R3HDM1: variants seen among roughly 807,000 people sequenced by gnomAD.
R3HDM1 encodes the protein R3H domain containing 1.
A neutral mutation model predicts 141.1 loss-of-function variants in R3HDM1; 46 were observed. The observed-to-expected ratio is 0.33, with a 90% confidence interval of 0.26 to 0.42. The LOEUF (loss-of-function observed/expected upper bound fraction) is 0.42, where lower values mean the gene tolerates loss of function less well. R3HDM1 is among the 10% of genes least tolerant of loss of function. The probability of loss-of-function intolerance (pLI) is 1.00; values close to 1 mark genes in which losing one functional copy is unlikely to be tolerated. For synonymous variants in R3HDM1, 435 were observed against 472.9 expected (o/e 0.92, Z 1.04); for missense variants, 1,184 against 1,368.3 (o/e 0.87, Z 2.12).
At chr2:135,649,494 A>G (rs2064896984) in intron 16 of R3HDM1, among the ~76,000 whole-genome samples, 1 of 152,168 alleles carries the variant, frequency 6.6e-6, no homozygotes, top group Non-Finnish European at 1.5e-5. Context: ...TTTTTCATTT[A>G]TAATTTAGTG....
intron 15 of R3HDM1, among the ~76,000 whole-genome samples, chr2:135,642,924 T>A (rs1329178599): frequency 6.6e-6 from 1 of 152,174 alleles, no homozygotes; most frequent in Non-Finnish European, 1.5e-5. Flanking sequence ...ATTCTTCAGG[T>A]TATTATGTTA....
intron 1 of R3HDM1, chr2:135,549,970 C>G: frequency 3.1e-6 from 3 of 960,072 alleles, no homozygotes; most frequent in Non-Finnish European, 3.7e-6. Flanking sequence ...ATAAATTTTC[C>G]TTTGTTCTTT....
At chr2:135,583,975 G>A (rs1707329611) in intron 1 of R3HDM1, 11 of 985,342 alleles carry the variant, frequency 1.1e-5, no homozygotes, top group Non-Finnish European at 1.3e-5. Flanking sequence ...AGAAGTTGCT[G>A]GACATTCCAA....
chr2:135,622,081 G>A (rs1395202707), intron 6 of R3HDM1: 1 of 983,762 alleles, frequency 1.0e-6, no homozygotes, highest in Non-Finnish European at 1.2e-6. Context: ...TAAAAACCCA[G>A]TTATGTTGAC....
At chr2:135,618,440 G>A (rs371565162) in intron 5 of R3HDM1, among the ~76,000 whole-genome samples, 104 of 149,026 alleles carry the variant, frequency 7.0e-4, no homozygotes, top group African/African-American at 2.4e-3. Flanking sequence ...AGGATTACAA[G>A]TGTGAGCCAC....
At chr2:135,684,204 T>C (rs956509181) in intron 21 of R3HDM1, among the ~76,000 whole-genome samples, 30 of 152,110 alleles carry the variant, frequency 2.0e-4, no homozygotes, top group African/African-American at 5.8e-4. Flanking sequence ...CATTCTCCTG[T>C]CTCAGCCTCC....
At chr2:135,538,370 A>T (rs959834081) in intron 1 of R3HDM1, among the ~76,000 whole-genome samples, 2 of 152,328 alleles carry the variant, frequency 1.3e-5, no homozygotes. Context: ...CTCAGACATA[A>T]TTGTACACCA....
rs1481805450 is a variant in R3HDM1 at position 135,597,248 on chromosome 2, CTCT to C, written c.-249-5250_-249-5248del. The C allele has an allele frequency of 3.1e-6, 3 of 978,836 alleles. No individual in the cohort carries two copies. The African/African-American group carries it at 5.3e-5, about 17-fold the overall frequency. 60.6% of individuals were successfully genotyped at this position (978,836 alleles called of 1,614,324 possible). ...ATTAACCTCTTCATGGTTTAACGAACTCTTTTAGGTCAAGGGAGTTCATTCTCT... is the reference window on the plus strand; with the variant it reads ...ATTAACCTCTTCATGGTTTAACGAACTTTAGGTCAAGGGAGTTCATTCTCT... On this transcript the variant is annotated intron_variant, in intron 1 of 26. Coordinates refer to ENST00000683871, the MANE Select transcript of R3HDM1 (RefSeq NM_001378107.1).
rs186787945 is a variant in R3HDM1, at chr2:135,689,892, A to G, written c.2459+9568A>G. ...ATATCTTCAAAATGCTCTCATTTTT[A>G]CCGGTTCTTCTCCTATTTTCCCTTT... On this transcript the variant is annotated intron_variant, in intron 21 of 26. Coordinates refer to ENST00000683871, the MANE Select transcript of R3HDM1 (RefSeq NM_001378107.1). 7.0e-4 allele frequency among the ~76,000 whole-genome samples: 106 copies of G among 152,306 alleles called. 1 individual carries two copies. The highest frequency in any genetic ancestry group is 2.4e-3 in the African/African-American group (101 of 41,560).
Position 135,724,481 on chromosome 2 carries a change from G to A in R3HDM1, c.*189G>A, listed in dbSNP as rs916145525. On this transcript the variant is annotated 3_prime_UTR_variant, in exon 27 of 27. Transcript: ENST00000683871. ...ATATGCATTTCACCCCACATGACTAGGAATCCACATCAGAATGATACAGAG... is the reference window on the plus strand; with the variant it reads ...ATATGCATTTCACCCCACATGACTAAGAATCCACATCAGAATGATACAGAG... 5.7e-6 allele frequency: 3 copies of A among 525,572 alleles called. No homozygotes were observed. Among genetic ancestry groups the A allele is most frequent in the African/African-American group, 3.8e-5 (2 of 52,694 alleles). The allele number at this position is 525,572 out of a possible 1,614,324, so 32.6% of individuals were successfully genotyped here.
chr2:135,623,027 A>C (rs1418604853), intron 7 of R3HDM1: 13 of 980,904 alleles, frequency 1.3e-5, no homozygotes, highest in Middle Eastern at 5.3e-4. Context: ...AGAAAAAAGA[A>C]AAATAGGTAT....
chr2:135,621,542 C>A lies in R3HDM1; in HGVS notation c.352C>A (p.Pro118Thr). ...LTQSFEKEEKPSKDEAEKEKA... is the reference protein window; with the variant it reads ...LTQSFEKEEKTSKDEAEKEKA... ...ACAATCATTTGAGAAAGAAGAGAAG[C>A]CCTCAAAAGATGAAGCAGAAAAAGA... The change falls in exon 6 of 27, where the codon CCC becomes ACC. Residue 118 changes from proline to threonine, a missense_variant. Physicochemically the swap from Pro to Thr is conservative, Grantham distance 38. This residue lies in a region of R3HDM1 where 192 missense variants were observed against 215.7 expected (regional missense o/e 0.89). Transcript: ENST00000683871. The A allele has an allele frequency of 6.2e-7, 1 of 1,600,678 alleles. No homozygotes were observed. Among genetic ancestry groups the A allele is most frequent in the Non-Finnish European group, 8.5e-7 (1 of 1,173,498 alleles).
Position 135,654,500 on chromosome 2 carries a change from A to G in R3HDM1, c.2028+2468A>G, listed in dbSNP as rs2065546891. On this transcript the variant is annotated intron_variant, in intron 18 of 26. Coordinates refer to ENST00000683871, the MANE Select transcript of R3HDM1 (RefSeq NM_001378107.1). ...GAGTCTCTTTGTTGCCCAGGCTGGA[A>G]TGCAGTGGTGCAATCTCAGCTCACT... is the stretch of plus-strand genomic sequence containing the variant. Among the ~76,000 whole-genome samples the G allele has an allele frequency of 2.0e-5, 3 of 151,790 alleles. 1 individual carries two copies. In the South Asian group the frequency reaches 6.2e-4, roughly 32 times the overall value.
intron 21 of R3HDM1, among the ~76,000 whole-genome samples, 178 bp from the exon 22 acceptor site, chr2:135,709,255 A>G (rs1338618671): frequency 6.6e-6 from 1 of 152,124 alleles, no homozygotes; most frequent in Non-Finnish European, 1.5e-5. Context: ...TTGTATTTTT[A>G]GTAGACATGG....
chr2:135,546,053 T>G (rs1394364692), intron 1 of R3HDM1, among the ~76,000 whole-genome samples: 3 of 152,160 alleles, frequency 2.0e-5, no homozygotes, highest in Admixed American at 2.0e-4. Flanking sequence ...GCTCATGCCT[T>G]TCGAGCAAGT....
At position 135,604,821 on chromosome 2, in the gene R3HDM1, T is replaced by A. The variant is rs1452298947; in HGVS notation, c.-25T>A. The A allele has an allele frequency of 3.7e-6, 6 of 1,608,266 alleles. No individual in the cohort carries two copies. Among genetic ancestry groups the A allele is most frequent in the Non-Finnish European group, 5.1e-6 (6 of 1,176,626 alleles). On this transcript the variant is annotated 5_prime_UTR_variant, in exon 3 of 27. It removes the in-frame stop codon of an upstream open reading frame in the 5' UTR. Coordinates refer to ENST00000683871, the MANE Select transcript of R3HDM1 (RefSeq NM_001378107.1). ...TTTTCTTAAGGCTTCAAGCTCCCTG[T>A]AGAATTCGAAAATAACCTTTTCTAA...
chr2:135,712,558 C>T (rs1316799723), intron 23 of R3HDM1, among the ~76,000 whole-genome samples: 1 of 151,624 alleles, frequency 6.6e-6, no homozygotes, highest in East Asian at 1.9e-4. Context: ...AGGCTTGAGC[C>T]GCTTTACCCA....
intron 5 of R3HDM1, among the ~76,000 whole-genome samples, chr2:135,618,351 G>A (rs967523116): frequency 5.3e-5 from 8 of 151,818 alleles, no homozygotes; most frequent in Middle Eastern, 3.4e-3. Flanking sequence ...TAGTAGGGAC[G>A]AGGTTTCACC....
chr2:135,684,481 A>G (rs892256701), intron 21 of R3HDM1, among the ~76,000 whole-genome samples: 2 of 152,226 alleles, frequency 1.3e-5, no homozygotes, highest in African/African-American at 2.4e-5. Flanking sequence ...TTTTGTTTCT[A>G]TAACCTCTCT....
Sources: allele counts gnomAD v4.1 joint callset (sites outside exome capture counted in the v4.1 genomes callset), GRCh38; gene constraint gnomAD v4.1.1; regional missense constraint gnomAD v4.1.1; transcripts MANE v1.5; gene names NCBI Gene and HGNC (gene_info 2026-07-23, HGNC 2026-07-21).